The following RIPK2 variants were observed in gnomAD, a reference collection of about 807,000 sequenced individuals.
RIPK2 encodes receptor-interacting serine/threonine-protein kinase 2.
Under a neutral mutation model 60.9 loss-of-function variants are expected in RIPK2, and 38 were observed. The observed-to-expected ratio is 0.62, with a 90% confidence interval of 0.48 to 0.82. The LOEUF is 0.82. Among genes scored for constraint, RIPK2 ranks in the 40% least tolerant of loss-of-function variants. The probability of loss-of-function intolerance (pLI) is 0.00; values close to 1 mark genes in which losing one functional copy is unlikely to be tolerated. For synonymous variants in RIPK2, 225 were observed against 223.4 expected, an observed-to-expected ratio of 1.01 and a Z score of -0.06; for missense variants, 518 against 647.0, an observed-to-expected ratio of 0.80 and a Z score of 2.16.
intron 6 of RIPK2, among the ~76,000 whole-genome samples, chr8:89,775,596 A>C (rs1383871590): frequency 6.6e-6 from 1 of 152,198 alleles, no homozygotes; most frequent in Non-Finnish European, 1.5e-5. Flanking sequence ...AGAATGCTGG[A>C]GAGGTGGAGG....
At chr8:89,762,133 AGC>A (rs1809156559) in intron 1 of RIPK2, among the ~76,000 whole-genome samples, 1 of 152,030 alleles carries the variant, frequency 6.6e-6, no homozygotes, top group Admixed American at 6.6e-5. Flanking sequence ...GGCTATAGTG[AGC>A]TGTGATCACA....
intron 2 of RIPK2, among the ~76,000 whole-genome samples, chr8:89,764,751 A>G (rs911848531): frequency 1.4e-4 from 22 of 152,172 alleles, no homozygotes; most frequent in African/African-American, 5.3e-4. Flanking sequence ...GGCTAATTTT[A>G]TAAGCTGGAA....
chr8:89,764,545 G>A (rs16900442), intron 2 of RIPK2, among the ~76,000 whole-genome samples: 2,949 of 152,180 alleles, frequency 0.019, 100 homozygotes, highest in African/African-American at 0.064. Context: ...TTCCCAAATT[G>A]CCTGATCTTC....
At chr8:89,771,583 C>T (rs765114177) in intron 4 of RIPK2, among the ~76,000 whole-genome samples, 158 bp from the exon 5 acceptor site, 10 of 151,980 alleles carry the variant, frequency 6.6e-5, no homozygotes, top group Admixed American at 2.0e-4. Context: ...TTCCAAACTA[C>T]ATGAGCATTT....
intron 1 of RIPK2, chr8:89,759,481 C>T: frequency 9.1e-6 from 4 of 439,538 alleles, no homozygotes; most frequent in South Asian, 6.3e-5. Flanking sequence ...TCCTCAGCTT[C>T]CGCCCTGCCA....
At chr8:89,785,252 A>G (rs1809566519) in intron 8 of RIPK2, among the ~76,000 whole-genome samples, 3 of 152,186 alleles carry the variant, frequency 2.0e-5, no homozygotes, top group Non-Finnish European at 4.4e-5. Flanking sequence ...AGGTGGGTGG[A>G]TCACTTGAGG....
intron 9 of RIPK2, among the ~76,000 whole-genome samples, chr8:89,788,047 A>C (rs972896333): frequency 2.6e-5 from 4 of 152,220 alleles, no homozygotes; most frequent in South Asian, 2.1e-4. Flanking sequence ...TAAAAGAAAT[A>C]GAAGTTAAAA....
At chr8:89,784,358 C>A (rs752277790) in intron 8 of RIPK2, among the ~76,000 whole-genome samples, 5 of 152,064 alleles carry the variant, frequency 3.3e-5, no homozygotes, top group Admixed American at 1.3e-4. Flanking sequence ...ATTATTGCTT[C>A]TTTGTTTGAC....
intron 6 of RIPK2, among the ~76,000 whole-genome samples, chr8:89,778,689 A>G (rs879308689): frequency 6.6e-5 from 10 of 152,204 alleles, no homozygotes; most frequent in Admixed American, 2.6e-4. Flanking sequence ...ATATGGATGT[A>G]TCCCATTTTG....
At chr8:89,779,278 T>G (rs1282306214) in intron 6 of RIPK2, among the ~76,000 whole-genome samples, 2 of 151,428 alleles carry the variant, frequency 1.3e-5, no homozygotes, top group Non-Finnish European at 2.9e-5. Context: ...GTGTTCAAAT[T>G]TTTTGAAGTC....
chr8:89,759,570 G>A (rs553249938), intron 1 of RIPK2: 1 of 371,478 alleles, frequency 2.7e-6, no homozygotes, highest in South Asian at 2.0e-5. Flanking sequence ...AAATGGCACA[G>A]GAGATTTGGG....
At chr8:89,766,919 T>C (rs1476612773) in intron 3 of RIPK2, among the ~76,000 whole-genome samples, 2 of 151,692 alleles carry the variant, frequency 1.3e-5, no homozygotes, top group Non-Finnish European at 3.0e-5. Flanking sequence ...TCATCAGATA[T>C]GTAGTTTGCA....
chr8:89,767,046 T>C (rs1204847461), intron 3 of RIPK2, among the ~76,000 whole-genome samples: 1 of 151,838 alleles, frequency 6.6e-6, no homozygotes, highest in African/African-American at 2.4e-5. Flanking sequence ...ATGCTTTTGC[T>C]GTCATCTCTA....
At position 89,790,468 on chromosome 8, in the gene RIPK2, T is replaced by C. The variant is rs1318677324; in HGVS notation, c.*52T>C. 3.0e-6 allele frequency: 4 copies of C among 1,328,388 alleles called. No individual in the cohort carries two copies. Among genetic ancestry groups the C allele is most frequent in the Admixed American group, 2.4e-5 (1 of 41,094 alleles). 82.3% of individuals were successfully genotyped at this position (1,328,388 alleles called of 1,614,324 possible). A position where few individuals can be genotyped will look rare whatever the true frequency, so the allele number is the denominator to read the frequency against. On this transcript the variant is annotated 3_prime_UTR_variant, in exon 11 of 11. Coordinates refer to ENST00000220751, the MANE Select transcript of RIPK2 (RefSeq NM_003821.6). ...TTTCATAAAAGGATATTTATATCTC[T>C]GTTGCTTTGACTTTTTTTATATAAA...
intron 3 of RIPK2, among the ~76,000 whole-genome samples, chr8:89,767,971 C>T (rs1425537915): frequency 1.3e-5 from 2 of 151,700 alleles, no homozygotes; most frequent in Non-Finnish European, 3.0e-5. Flanking sequence ...TTAAATCTCA[C>T]TTAAATGTTG....
intron 6 of RIPK2, among the ~76,000 whole-genome samples, 172 bp downstream of exon 6, chr8:89,773,000 T>C (rs1026311530): frequency 2.0e-5 from 3 of 152,152 alleles, no homozygotes; most frequent in African/African-American, 7.2e-5. Flanking sequence ...TAGAGCAGAA[T>C]TGAGAATTCC....
chr8:89,762,784 T>C (rs1038531627), intron 1 of RIPK2, 45 bp from the exon 2 acceptor site: 26 of 1,114,964 alleles, frequency 2.3e-5, no homozygotes, highest in Non-Finnish European at 2.9e-5. Flanking sequence ...ATGATAATTG[T>C]ATATTTTTTT....
rs1214085207 is a variant in RIPK2, at chr8:89,776,076, C to CAG, written c.853+3249_853+3250insGA. 3.9e-5 allele frequency among the ~76,000 whole-genome samples: 6 copies of CAG among 152,072 alleles called. No individual in the cohort carries two copies. In the East Asian group the frequency reaches 1.2e-3, roughly 29 times the overall value. Reference sequence around the variant, plus strand: ...CACCACAGGCCTCACCCTGCTTCTACATAGGGAAGCAGAAAATGTATGCAT... The same window carrying CAG: ...CACCACAGGCCTCACCCTGCTTCTACAGATAGGGAAGCAGAAAATGTATGCAT... On this transcript the variant is annotated intron_variant, in intron 6 of 10. Transcript: ENST00000220751.
chr8:89,785,066 C>T (rs1241178281), intron 8 of RIPK2, among the ~76,000 whole-genome samples: 2 of 152,194 alleles, frequency 1.3e-5, no homozygotes, highest in Non-Finnish European at 2.9e-5. Flanking sequence ...CATTAAGCCC[C>T]ACCTCCCAAC....
Sources: allele counts gnomAD v4.1 joint callset (sites outside exome capture counted in the v4.1 genomes callset), GRCh38; gene constraint gnomAD v4.1.1; transcripts MANE v1.5; gene names NCBI Gene and HGNC (gene_info 2026-07-23, HGNC 2026-07-21).